Variants in PCDH9 observed in about 807,000 individuals in gnomAD.
The protein encoded by PCDH9 is protocadherin-9.
In PCDH9, 24 loss-of-function variants were observed where a neutral mutation model predicts 70.6. That is an observed-to-expected ratio of 0.34 (90% confidence interval 0.25 to 0.48). PCDH9 has a LOEUF of 0.48. Ranked by LOEUF, PCDH9 falls within the 20% of genes least tolerant of loss-of-function variation. The pLI, the probability that PCDH9 is intolerant of heterozygous loss-of-function variation, is 0.99. For synonymous variants in PCDH9, 562 were observed against 558.5 expected, an observed-to-expected ratio of 1.01 and a Z score of -0.09; for missense variants, 1,281 against 1,503.6, an observed-to-expected ratio of 0.85 and a Z score of 2.45.
At chr13:67,092,419 T>A (rs1042392170) in intron 2 of PCDH9, among the ~76,000 whole-genome samples, 1 of 152,166 alleles carries the variant, frequency 6.6e-6, no homozygotes, top group South Asian at 2.1e-4. Flanking sequence ...GTGAAACATA[T>A]GTTGGATTGC....
intron 3 of PCDH9, among the ~76,000 whole-genome samples, chr13:66,840,134 C>T (rs1160401396): frequency 6.6e-6 from 1 of 151,874 alleles, no homozygotes; most frequent in East Asian, 1.9e-4. Flanking sequence ...CCACTGAGGG[C>T]CCAATATACC....
chr13:66,568,523 A>G (rs1381833848), intron 4 of PCDH9, among the ~76,000 whole-genome samples: 3 of 151,384 alleles, frequency 2.0e-5, no homozygotes, highest in African/African-American at 4.9e-5. Flanking sequence ...AAAAAAAAAA[A>G]AAAGAAAGAA....
At chr13:66,344,612 A>T (rs1555282747) in intron 4 of PCDH9, among the ~76,000 whole-genome samples, 1 of 152,186 alleles carries the variant, frequency 6.6e-6, no homozygotes, top group Non-Finnish European at 1.5e-5. Context: ...AATATGTTTC[A>T]CTTTTTACCA....
chr13:66,491,842 T>G (rs532438835), intron 4 of PCDH9, among the ~76,000 whole-genome samples: 1 of 152,262 alleles, frequency 6.6e-6, no homozygotes, highest in Admixed American at 6.5e-5. Context: ...GTTCTATTAG[T>G]CACACCTAGT....
chr13:66,587,404 G>T (rs1411990832), intron 4 of PCDH9, among the ~76,000 whole-genome samples: 1 of 151,800 alleles, frequency 6.6e-6, no homozygotes, highest in Non-Finnish European at 1.5e-5. Context: ...GAAAAAAAAA[G>T]ATCTTAGATC....
chr13:66,680,174 T>C (rs980726692), intron 3 of PCDH9, among the ~76,000 whole-genome samples: 1 of 151,980 alleles, frequency 6.6e-6, no homozygotes, highest in African/African-American at 2.4e-5. Context: ...CAGTTTTATA[T>C]TGTGTCTATC....
chr13:67,086,311 A>G (rs1169349980), intron 2 of PCDH9, among the ~76,000 whole-genome samples: 3 of 152,130 alleles, frequency 2.0e-5, no homozygotes, highest in Admixed American at 6.6e-5. Flanking sequence ...CAGTTACCAT[A>G]CTGTATTAAC....
chr13:66,403,307 T>A (rs918563144), intron 4 of PCDH9, among the ~76,000 whole-genome samples: 2 of 151,940 alleles, frequency 1.3e-5, no homozygotes, highest in African/African-American at 4.8e-5. Flanking sequence ...GGCTTTTTTT[T>A]TTGTTTTTTG....
chr13:67,197,484 C>T (rs1176173989), intron 2 of PCDH9, among the ~76,000 whole-genome samples: 2 of 151,830 alleles, frequency 1.3e-5, no homozygotes, highest in African/African-American at 4.8e-5. Flanking sequence ...CATTGAGAGC[C>T]CAATAACTTT....
intron 3 of PCDH9, among the ~76,000 whole-genome samples, chr13:66,895,349 A>G (rs1478001294): frequency 6.6e-6 from 1 of 152,186 alleles, no homozygotes; most frequent in Non-Finnish European, 1.5e-5. Flanking sequence ...TTAACTCAAC[A>G]TAAGCACACT....
intron 4 of PCDH9, among the ~76,000 whole-genome samples, chr13:66,358,667 A>T (rs1162562010): frequency 6.6e-6 from 1 of 152,010 alleles, no homozygotes; most frequent in Non-Finnish European, 1.5e-5. Flanking sequence ...AAAACTGATG[A>T]TGTAAGAGTA....
intron 3 of PCDH9, among the ~76,000 whole-genome samples, chr13:66,898,651 ATAATATTCATACAC>A (rs1335926545): frequency 6.6e-6 from 1 of 152,092 alleles, no homozygotes; most frequent in East Asian, 1.9e-4. Context: ...GGTGTGTCGT[ATAATATTCATACAC>A]TAAATCAGAT....
intron 3 of PCDH9, among the ~76,000 whole-genome samples, chr13:66,787,823 G>C (rs1159745908): frequency 6.6e-6 from 1 of 152,048 alleles, no homozygotes; most frequent in Non-Finnish European, 1.5e-5. Flanking sequence ...TGGAATATAG[G>C]CCTTCTATTT....
chr13:66,861,473 C>T (rs1257191883), intron 3 of PCDH9, among the ~76,000 whole-genome samples: 1 of 152,186 alleles, frequency 6.6e-6, no homozygotes, highest in East Asian at 1.9e-4. Context: ...TATATATCCT[C>T]TTTCTGGTAA....
chr13:66,383,550 A>T (rs542520481), intron 4 of PCDH9, among the ~76,000 whole-genome samples: 5 of 152,344 alleles, frequency 3.3e-5, no homozygotes, highest in Non-Finnish European at 7.4e-5. Context: ...TCTAGATCTC[A>T]GCCAAAATAA....
In PCDH9 at chr13:67,015,179, C is replaced by G. The variant is rs567341099; in HGVS notation, c.3037-111574G>C. On this transcript the variant is annotated intron_variant, in intron 2 of 4. Transcript: ENST00000377865. Reference sequence around the variant, plus strand: ...CATTGGTAACTCTTTTGAAGACACCCCTTTAATTGCTATTTGAACCTGGGC... The same window carrying G: ...CATTGGTAACTCTTTTGAAGACACCGCTTTAATTGCTATTTGAACCTGGGC... Among the ~76,000 whole-genome samples, 4 of 152,188 alleles carry G rather than the reference C, an allele frequency of 2.6e-5. No homozygotes were observed. In the South Asian group the frequency reaches 8.3e-4, roughly 32 times the overall value.
intron 4 of PCDH9, among the ~76,000 whole-genome samples, chr13:66,305,507 CAT>C (rs1336846360): frequency 1.8e-4 from 28 of 151,926 alleles, no homozygotes; most frequent in Admixed American, 1.8e-3. Flanking sequence ...CCACTTGAAA[CAT>C]AGCATCATTA....
chr13:66,800,180 A>C (rs1397979619), intron 3 of PCDH9, among the ~76,000 whole-genome samples: 1 of 151,864 alleles, frequency 6.6e-6, no homozygotes, highest in East Asian at 1.9e-4. Context: ...TAACCACATA[A>C]CTCTCTCAGT....
At chr13:66,887,438 G>A (rs1225698190) in intron 3 of PCDH9, among the ~76,000 whole-genome samples, 1 of 152,010 alleles carries the variant, frequency 6.6e-6, no homozygotes, top group Non-Finnish European at 1.5e-5. Context: ...AACAAACAAA[G>A]TAGGAAAGGA....
Sources: gnomAD v4.1 joint callset for allele counts (sites outside exome capture counted in the v4.1 genomes callset) on GRCh38, gnomAD v4.1.1 for gene constraint, MANE v1.5 for transcripts, NCBI Gene and HGNC (gene_info 2026-07-23, HGNC 2026-07-21) for gene names.